Variants in ASTN2 observed in about 807,000 individuals in gnomAD.
ASTN2 encodes astrotactin-2.
In ASTN2, 54 loss-of-function variants were observed where a neutral mutation model predicts 139.8. The observed-to-expected ratio is 0.39, with a 90% CI of 0.31 to 0.48. The LOEUF (loss-of-function observed/expected upper bound fraction) is 0.48, where lower values mean the gene tolerates loss of function less well. Ranked by LOEUF, ASTN2 falls within the 20% of genes least tolerant of loss-of-function variation. ASTN2 has a pLI of 0.95. For synonymous variants in ASTN2, 756 were observed against 719.5 expected (o/e 1.05, Z -0.81); for missense variants, 1,565 against 1,725.1 (o/e 0.91, Z 1.64).
In ASTN2 at chr9:117,169,090, T is replaced by A. The variant is rs780621092; in HGVS notation, c.1016-27612A>T. 2.5e-3 allele frequency among the ~76,000 whole-genome samples: 376 copies of A among 152,168 alleles called. 2 individuals are homozygous for A. The highest frequency in any genetic ancestry group is 3.8e-3 in the Non-Finnish European group (258 of 67,992). On this transcript the variant is annotated intron_variant, in intron 3 of 22. Transcript: ENST00000313400. ...ATAAGAAATCACTACGCAGAAATCA[T>A]GGCACAGACTAGGTGTTCAATAAAC...
chr9:116,639,569 AG>A (rs1250765061), intron 17 of ASTN2, among the ~76,000 whole-genome samples: 1 of 152,186 alleles, frequency 6.6e-6, no homozygotes, highest in Admixed American at 6.5e-5. Context: ...CCCTGTGAAC[AG>A]GGTTAAGCTC....
intron 3 of ASTN2, among the ~76,000 whole-genome samples, chr9:117,173,428 A>G (rs1000827679): frequency 1.3e-5 from 2 of 152,154 alleles, no homozygotes; most frequent in African/African-American, 4.8e-5. Flanking sequence ...TTGTCCATTA[A>G]TTAGAAAATG....
chr9:116,548,898 C>G (rs1021764617), intron 19 of ASTN2, among the ~76,000 whole-genome samples: 1 of 152,148 alleles, frequency 6.6e-6, no homozygotes, highest in Non-Finnish European at 1.5e-5. Context: ...TGTAGGCAAC[C>G]AGGGTCTAGA....
chr9:117,050,212 C>T (rs1054300268), intron 5 of ASTN2, among the ~76,000 whole-genome samples: 2 of 152,100 alleles, frequency 1.3e-5, no homozygotes, highest in African/African-American at 4.8e-5. Context: ...AGCAAAAGAG[C>T]AGCCACAGTT....
At chr9:117,406,467 C>T (rs536594029) in intron 1 of ASTN2, among the ~76,000 whole-genome samples, 42 of 152,242 alleles carry the variant, frequency 2.8e-4, no homozygotes, top group African/African-American at 9.9e-4. Context: ...TCTTCTCTGA[C>T]GTCTTGTCCT....
At chr9:116,657,239 C>A (rs1040125702) in intron 16 of ASTN2, among the ~76,000 whole-genome samples, 3 of 152,122 alleles carry the variant, frequency 2.0e-5, no homozygotes, top group Non-Finnish European at 4.4e-5. Flanking sequence ...CAATCAAAGT[C>A]CTGCATCATT....
intron 13 of ASTN2, among the ~76,000 whole-genome samples, chr9:116,773,085 ATTT>A (rs11464715): frequency 7.0e-6 from 1 of 143,554 alleles, no homozygotes; most frequent in Non-Finnish European, 1.5e-5. Flanking sequence ...CCTCCATCCT[ATTT>A]TTTTTTTTTT....
intron 13 of ASTN2, among the ~76,000 whole-genome samples, chr9:116,742,852 G>A (rs1276986818): frequency 2.0e-5 from 3 of 152,154 alleles, no homozygotes; most frequent in South Asian, 4.1e-4. Flanking sequence ...GATGGTAGAT[G>A]AGGCTGAGAT....
At chr9:117,325,449 C>G (rs1828482231) in intron 1 of ASTN2, among the ~76,000 whole-genome samples, 1 of 152,150 alleles carries the variant, frequency 6.6e-6, no homozygotes, top group South Asian at 2.1e-4. Context: ...CTGAGCTGGG[C>G]AGACTGAGAT....
intron 16 of ASTN2, among the ~76,000 whole-genome samples, chr9:116,657,554 G>A (rs1858293258): frequency 6.6e-6 from 1 of 152,168 alleles, no homozygotes; most frequent in Non-Finnish European, 1.5e-5. Flanking sequence ...CATAAAAAGA[G>A]GTTAGGCCAG....
At chr9:116,680,033 G>C (rs868089463) in intron 16 of ASTN2, among the ~76,000 whole-genome samples, 2,169 of 151,902 alleles carry the variant, frequency 0.014, 35 homozygotes, top group Middle Eastern at 0.045. Flanking sequence ...CAGAGCAGAA[G>C]TGAAGGAAAT....
chr9:116,613,381 C>G (rs2131806652), intron 19 of ASTN2: 1 of 152,254 alleles, frequency 6.6e-6, no homozygotes, highest in South Asian at 2.1e-4. Flanking sequence ...TTTTATGAGG[C>G]CAACATCATC....
At position 116,808,813 on chromosome 9, in the gene ASTN2, C is replaced by G. The variant is rs1564279468; in HGVS notation, c.2208-2993G>C. Among the ~76,000 whole-genome samples, 3 of 152,164 alleles carry G rather than the reference C, an allele frequency of 2.0e-5. No homozygotes were observed. The East Asian group carries it at 5.8e-4, about 29-fold the overall frequency. ...ATGAATGGGAGATCCTATTTTTCTA[C>G]ATCTTTCATGTTCATTACTGCCAAT... On this transcript the variant is annotated intron_variant, in intron 12 of 22. Transcript: ENST00000313400.
chr9:116,880,934 T>G (rs112456874), intron 10 of ASTN2, among the ~76,000 whole-genome samples: 9,603 of 152,190 alleles, frequency 0.063, 728 homozygotes, highest in African/African-American at 0.18. Flanking sequence ...ACACATATTA[T>G]AGACACATAA....
intron 2 of ASTN2, among the ~76,000 whole-genome samples, chr9:117,276,055 T>A (rs918926447): frequency 6.6e-6 from 1 of 152,224 alleles, no homozygotes; most frequent in Non-Finnish European, 1.5e-5. Flanking sequence ...GAGATTTTAA[T>A]GAAATTTTAA....
At chr9:117,411,381 T>G (rs1179300688) in intron 1 of ASTN2, among the ~76,000 whole-genome samples, 1 of 143,942 alleles carries the variant, frequency 6.9e-6, no homozygotes, top group Non-Finnish European at 1.5e-5. Flanking sequence ...GAAGGAAACT[T>G]CCATTTACTT....
chr9:116,473,069 G>T (rs1214767670), intron 20 of ASTN2, among the ~76,000 whole-genome samples: 2 of 152,088 alleles, frequency 1.3e-5, no homozygotes, highest in Non-Finnish European at 1.5e-5. Flanking sequence ...TATTATTAAG[G>T]TTCAAAGAGT....
intron 12 of ASTN2, among the ~76,000 whole-genome samples, chr9:116,810,639 TC>T (rs1430906525): frequency 7.2e-5 from 11 of 152,224 alleles, no homozygotes; most frequent in African/African-American, 1.9e-4. Context: ...ACTTAAACAT[TC>T]TAACATGTCT....
rs530654855 is a variant in ASTN2, at chr9:116,921,583, G to A, written c.1889+53625C>T. Among the ~76,000 whole-genome samples, 138 of 82,904 alleles carry A rather than the reference G, an allele frequency of 1.7e-3. No individual in the cohort carries two copies. In the Middle Eastern group the frequency reaches 0.026, roughly 16 times the overall value. 54.4% of individuals were successfully genotyped at this position (82,904 alleles called of 152,430 possible). The stretch of plus-strand genomic sequence containing the variant: ...AGCCTGGGCGACCGAGCGAGACTCC[G>A]TCTAAAAAAAAAAAAAAAAAAAAGA... On this transcript the variant is annotated intron_variant, in intron 10 of 22. Transcript: ENST00000313400.
Sources: allele counts gnomAD v4.1 joint callset (sites outside exome capture counted in the v4.1 genomes callset), GRCh38; gene constraint gnomAD v4.1.1; transcripts MANE v1.5; gene names NCBI Gene and HGNC (gene_info 2026-07-23, HGNC 2026-07-21).